IQSEC3: variants seen among roughly 807,000 people sequenced by gnomAD.
IQSEC3 encodes IQ motif and SEC7 domain-containing protein 3.
A neutral mutation model predicts 105.4 loss-of-function variants in IQSEC3; 50 were observed. The observed-to-expected ratio is 0.47, with a 90% CI of 0.38 to 0.60. The LOEUF (loss-of-function observed/expected upper bound fraction) is 0.60. Ranked by LOEUF, IQSEC3 falls within the 20% of genes least tolerant of loss-of-function variation. The pLI, the probability that IQSEC3 is intolerant of heterozygous loss-of-function variation, is 0.00. For missense variants in IQSEC3, 1,415 were observed against 1,630.0 expected (o/e 0.87, Z 2.27); for synonymous variants, 708 against 746.0 (o/e 0.95, Z 0.83).
chr12:145,802 G>C (rs1866240228), intron 5 of IQSEC3, among the ~76,000 whole-genome samples: 1 of 152,262 alleles, frequency 6.6e-6, no homozygotes, highest in Admixed American at 6.5e-5. Flanking sequence ...CGCTTCAGCA[G>C]GTTTAAAGTC....
chr12:68,326 C>T (rs1436309557), intron 1 of IQSEC3, among the ~76,000 whole-genome samples: 10 of 152,196 alleles, frequency 6.6e-5, no homozygotes, highest in African/African-American at 2.4e-4. Context: ...ATTCAGATGC[C>T]ATGCCTGTTT....
chr12:90,675 T>A (rs1453108516), intron 1 of IQSEC3, among the ~76,000 whole-genome samples: 1 of 152,192 alleles, frequency 6.6e-6, no homozygotes, highest in Non-Finnish European at 1.5e-5. Flanking sequence ...TTGTTCAATC[T>A]GTGTGTCTAT....
chr12:78,061 C>A (rs1318110069), intron 1 of IQSEC3, among the ~76,000 whole-genome samples: 1 of 151,430 alleles, frequency 6.6e-6, no homozygotes, highest in Non-Finnish European at 1.5e-5. Context: ...CCCGCCGCCC[C>A]GCTGAGGAAG....
chr12:118,363 A>G (rs891524072), intron 2 of IQSEC3, among the ~76,000 whole-genome samples: 3 of 150,846 alleles, frequency 2.0e-5, no homozygotes, highest in African/African-American at 7.3e-5. Flanking sequence ...TGCCCGTCTG[A>G]GATCACCATA....
chr12:143,866 T>A (rs59227466), intron 5 of IQSEC3: 2,280 of 153,140 alleles, frequency 0.015, 55 homozygotes, highest in African/African-American at 0.053. Context: ...TGTGTGTGTG[T>A]GAAGAGGCAT....
intron 3 of IQSEC3, among the ~76,000 whole-genome samples, chr12:131,520 G>A (rs1354223958): frequency 6.6e-6 from 1 of 152,226 alleles, no homozygotes; most frequent in Non-Finnish European, 1.5e-5. Context: ...AGGATGGAGT[G>A]CTGGGTTCCA....
rs782190089 is a variant in IQSEC3, at chr12:162,072, G to T, written c.2583+7G>T. The T allele has an allele frequency of 5.0e-6, 8 of 1,613,290 alleles. No homozygotes were observed. In the African/African-American group the frequency reaches 5.3e-5, roughly 11 times the overall value. On this transcript the variant is annotated splice_region_variant and intron_variant, in intron 8 of 13. Coordinates refer to ENST00000538872, the MANE Select transcript of IQSEC3 (RefSeq NM_001170738.2). ...CATTGTGGGCATGAAGACAGTGAGT[G>T]TCCACAAGCTACCTATCTCCCGTCT...
At chr12:100,281 G>A (rs1864380855) in intron 2 of IQSEC3, among the ~76,000 whole-genome samples, 1 of 152,176 alleles carries the variant, frequency 6.6e-6, no homozygotes, top group Non-Finnish European at 1.5e-5. Flanking sequence ...AAGGGTCGGA[G>A]GACCCAGAGA....
rs781840908 is a variant in IQSEC3 at position 157,603 on chromosome 12, C to T, written c.2352C>T (p.Phe784=). 26 of 1,614,234 alleles carry T rather than the reference C, an allele frequency of 1.6e-5. No individual in the cohort carries two copies. The highest frequency in any genetic ancestry group is 1.9e-5 in the Non-Finnish European group (23 of 1,180,030). ...HNPDTIFILA[F]AIILLNTDMY... ...CCGACACCATCTTCATCCTCGCCTTCGCCATCATCCTCCTCAACACCGACA... is the reference window on the plus strand; with the variant it reads ...CCGACACCATCTTCATCCTCGCCTTTGCCATCATCCTCCTCAACACCGACA... Residue 784 remains phenylalanine (F), a synonymous_variant, in exon 7 of 14, where the codon TTC becomes TTT. Coordinates refer to ENST00000538872, the MANE Select transcript of IQSEC3 (RefSeq NM_001170738.2).
chr12:146,927 CCA>C (rs1866300839), intron 5 of IQSEC3, among the ~76,000 whole-genome samples: 1 of 152,198 alleles, frequency 6.6e-6, no homozygotes, highest in Admixed American at 6.5e-5. Flanking sequence ...CCCACTCCCA[CCA>C]CAGATAGACA....
chr12:95,980 G>T (rs956179447), intron 1 of IQSEC3, among the ~76,000 whole-genome samples: 2 of 152,166 alleles, frequency 1.3e-5, no homozygotes, highest in African/African-American at 4.8e-5. Context: ...TATTTGAAGA[G>T]ATTTATTCTG....
At chr12:107,022 G>A (rs924435171) in intron 2 of IQSEC3, 4 of 152,176 alleles carry the variant, frequency 2.6e-5, no homozygotes, top group South Asian at 2.1e-4. Flanking sequence ...CTTAAGAAAC[G>A]AGGTTTTTAG....
At position 125,852 on chromosome 12, in the gene IQSEC3, GTGCCCCCACGCCCC is replaced by G; in HGVS notation, c.848_861del (p.Pro283ArgfsTer9). ...AGCAGCCTGCCCTGGCGACGGCGCT[GTGCCCCCACGCCCC>G]TGCCGCCTCCGATTACGAACTCTCC... On this transcript the variant is annotated frameshift_variant, in exon 3 of 14. Transcript: ENST00000538872. LOFTEE classifies it high-confidence loss of function. 1 of 1,533,484 alleles carries G rather than the reference GTGCCCCCACGCCCC, an allele frequency of 6.5e-7. No homozygotes were observed. Among genetic ancestry groups the G allele is most frequent in the Non-Finnish European group, 8.7e-7 (1 of 1,146,324 alleles). 95.0% of individuals were successfully genotyped at this position (1,533,484 alleles called of 1,614,324 possible).
intron 7 of IQSEC3, among the ~76,000 whole-genome samples, 176 bp from the exon 8 acceptor site, chr12:161,750 A>G (rs1866899543): frequency 6.6e-6 from 1 of 152,094 alleles, no homozygotes; most frequent in South Asian, 2.1e-4. Context: ...GTGCCTGGCT[A>G]AGGAACTTGT....
chr12:74,080 C>T (rs1427007916), intron 1 of IQSEC3, among the ~76,000 whole-genome samples: 4 of 152,180 alleles, frequency 2.6e-5, no homozygotes, highest in African/African-American at 4.8e-5. Context: ...AGGAAAATTA[C>T]AGTCTCATCT....
intron 2 of IQSEC3, chr12:106,414 C>T (rs1252656092): frequency 6.6e-6 from 1 of 152,272 alleles, no homozygotes; most frequent in African/African-American, 2.4e-5. Context: ...TTGTTCAGGG[C>T]CTCAAAAGGC....
intron 3 of IQSEC3, among the ~76,000 whole-genome samples, chr12:135,826 A>T (rs1865745823): frequency 6.6e-6 from 1 of 152,226 alleles, no homozygotes; most frequent in Admixed American, 6.5e-5. Flanking sequence ...TGCCAACAAG[A>T]GCGAGCTCAA....
In IQSEC3 at chr12:141,171, C is replaced by T. The variant is rs781935378; in HGVS notation, c.2039C>T (p.Pro680Leu). Reference sequence around the variant, plus strand: ...TTCCTGATCTCACGCGGCTTCATCCCGGACACCCCCATCGGTGTGGCCCAT... The same window carrying T: ...TTCCTGATCTCACGCGGCTTCATCCTGGACACCCCCATCGGTGTGGCCCAT... ...IQFLISRGFI[P>L]DTPIGVAHFL... The change falls in exon 5 of 14, where the codon CCG (proline) becomes CTG (leucine). Residue 680 changes from proline (P) to leucine (L), a missense_variant. Physicochemically the swap from Pro to Leu is moderately conservative, Grantham distance 98. This residue lies in a region of IQSEC3 where 213 missense variants were observed against 306.2 expected (regional missense o/e 0.70). Transcript: ENST00000538872. 46 of 1,613,556 alleles carry T rather than the reference C, an allele frequency of 2.9e-5. No homozygotes were observed. The highest frequency in any genetic ancestry group is 5.0e-5 in the Admixed American group (3 of 59,958).
intron 9 of IQSEC3, among the ~76,000 whole-genome samples, chr12:163,850 T>C (rs1867041568): frequency 6.6e-6 from 1 of 151,634 alleles, no homozygotes; most frequent in Non-Finnish European, 1.5e-5. Flanking sequence ...AGACGTCAGA[T>C]GATCTGCTCG....
Sources: allele counts gnomAD v4.1 joint callset (sites outside exome capture counted in the v4.1 genomes callset), GRCh38; gene constraint gnomAD v4.1.1; regional missense constraint gnomAD v4.1.1; transcripts MANE v1.5; gene names NCBI Gene and HGNC (gene_info 2026-07-23, HGNC 2026-07-21).